KIF6: variants seen among roughly 807,000 people sequenced by gnomAD.
KIF6 encodes the protein kinesin family member 6.
Under a neutral mutation model 112.7 loss-of-function variants are expected in KIF6, and 106 were observed. The ratio of observed to expected loss-of-function variants is 0.94; its 90% confidence interval spans 0.80 to 1.11. The LOEUF is 1.11. KIF6 is among the 50% of genes least tolerant of loss of function. KIF6 has a pLI of 0.00. For missense variants in KIF6, 929 were observed against 964.0 expected (o/e 0.96, Z 0.48); for synonymous variants, 339 against 339.9 (o/e 1.00, Z 0.03).
intron 16 of KIF6, among the ~76,000 whole-genome samples, chr6:39,374,914 G>A (rs187036406): frequency 6.6e-6 from 1 of 152,302 alleles, no homozygotes; most frequent in East Asian, 1.9e-4. Flanking sequence ...AGAGATATCT[G>A]CATTTCCATG....
chr6:39,415,195 C>G (rs1248133174), intron 15 of KIF6, among the ~76,000 whole-genome samples: 1 of 147,658 alleles, frequency 6.8e-6, no homozygotes, highest in East Asian at 2.0e-4. Context: ...TCAAAACAAA[C>G]AAACAAAGAA....
In KIF6 at chr6:39,342,613, TTTTTTTTATTTTTTTTTA is replaced by T. The variant is rs1430657093; in HGVS notation, c.2428+1078_2428+1095del. Among the ~76,000 whole-genome samples the T allele has an allele frequency of 8.4e-5, 11 of 131,642 alleles. 1 individual carries two copies. The highest frequency in any genetic ancestry group is 2.0e-4 in the East Asian group (1 of 5,096). 86.4% of individuals were successfully genotyped at this position (131,642 alleles called of 152,430 possible). A position where few individuals can be genotyped will look rare whatever the true frequency, so the allele number is the denominator to read the frequency against. ...AATCCAGTTTTTTATTTTTTTTTAT[TTTTTTTTATTTTTTTTTA>T]TTTTTAGACAAGGAAACTGAGAATG... is the stretch of plus-strand genomic sequence containing the variant. On this transcript the variant is annotated intron_variant, in intron 22 of 22. Transcript: ENST00000287152. This position sits in a 1 kb window ranked among gnomAD's most constrained non-coding sequence, Gnocchi z 4.7.
chr6:39,375,303 G>A (rs1363959028), intron 16 of KIF6, among the ~76,000 whole-genome samples: 2 of 152,122 alleles, frequency 1.3e-5, no homozygotes, highest in Admixed American at 6.5e-5. Context: ...GTGAACACAA[G>A]GAGTAATAAT....
In KIF6 at chr6:39,540,233, C is replaced by A. The variant is rs1478772158; in HGVS notation, c.1427-12G>T. ...GTTGACCAGGATATCTGAAACTTGACTTAAGGATTTAATGCCTGATGCTAG... is the reference window on the plus strand; with the variant it reads ...GTTGACCAGGATATCTGAAACTTGAATTAAGGATTTAATGCCTGATGCTAG... On this transcript the variant is annotated splice_polypyrimidine_tract_variant and intron_variant, in intron 12 of 22. Transcript: ENST00000287152. The A allele has an allele frequency of 6.4e-7, 1 of 1,561,472 alleles. No homozygotes were observed. The highest frequency in any genetic ancestry group is 1.1e-5 in the South Asian group (1 of 87,148).
At chr6:39,631,682 T>C (rs1784358191) in intron 5 of KIF6, among the ~76,000 whole-genome samples, 1 of 152,132 alleles carries the variant, frequency 6.6e-6, no homozygotes, top group African/African-American at 2.4e-5. Flanking sequence ...TGAGCCTATG[T>C]TCATGAGAGA....
chr6:39,403,344 C>T (rs1210163620), intron 15 of KIF6, among the ~76,000 whole-genome samples: 2 of 152,252 alleles, frequency 1.3e-5, no homozygotes, highest in African/African-American at 4.8e-5. Flanking sequence ...CACCCTTCTC[C>T]CACCCCTGCC....
At chr6:39,629,679 T>C (rs967456567) in intron 5 of KIF6, among the ~76,000 whole-genome samples, 6 of 152,088 alleles carry the variant, frequency 3.9e-5, no homozygotes, top group Non-Finnish European at 5.9e-5. Flanking sequence ...AGAACAGAAG[T>C]TTTAATTTTA....
rs184050281 is a variant in KIF6, at chr6:39,378,644, G to A, written c.1861+6978C>T. On this transcript the variant is annotated intron_variant, in intron 16 of 22. Transcript: ENST00000287152. This position sits in a 1 kb window ranked among gnomAD's most constrained non-coding sequence, Gnocchi z 5.0. ...CAGGGCCACTCCTTCTGGTAAGAAC[G>A]GGAAGTTCTCATGGCCTGTCCCTCT... Among the ~76,000 whole-genome samples, 17 of 152,268 alleles carry A rather than the reference G, an allele frequency of 1.1e-4. No homozygotes were observed. The highest frequency in any genetic ancestry group is 3.9e-4 in the African/African-American group (16 of 41,552).
intron 5 of KIF6, among the ~76,000 whole-genome samples, chr6:39,622,921 C>T (rs1406052515): frequency 2.0e-5 from 3 of 152,182 alleles, no homozygotes; most frequent in Non-Finnish European, 4.4e-5. Context: ...GCAGCCCTCC[C>T]TGCCTATTTT....
At chr6:39,607,118 T>C (rs1782933086) in intron 6 of KIF6, among the ~76,000 whole-genome samples, 3 of 152,202 alleles carry the variant, frequency 2.0e-5, no homozygotes. Context: ...GTGACTTTCA[T>C]ATGCTATGTT....
At chr6:39,411,198 C>T (rs572608443) in intron 15 of KIF6, among the ~76,000 whole-genome samples, 9 of 152,268 alleles carry the variant, frequency 5.9e-5, no homozygotes, top group East Asian at 1.9e-4. Flanking sequence ...CAGGGCCAGC[C>T]GGTTACAAGA....
chr6:39,617,332 T>C (rs902312175), intron 5 of KIF6, among the ~76,000 whole-genome samples: 7 of 152,150 alleles, frequency 4.6e-5, no homozygotes, highest in African/African-American at 1.4e-4. Context: ...TAAAGAGCAA[T>C]AGGCAGGCTC....
intron 3 of KIF6, among the ~76,000 whole-genome samples, chr6:39,677,289 C>A (rs550373797): frequency 6.6e-6 from 1 of 151,904 alleles, no homozygotes; most frequent in Non-Finnish European, 1.5e-5. Flanking sequence ...CATAACACAA[C>A]CTCCAAATAT....
At chr6:39,353,070 A>G (rs1764380552) in intron 19 of KIF6, among the ~76,000 whole-genome samples, 1 of 152,214 alleles carries the variant, frequency 6.6e-6, no homozygotes, top group Admixed American at 6.5e-5. Flanking sequence ...AATTAGGTAA[A>G]TAACTAAAAT....
chr6:39,364,921 G>A (rs1453210264), intron 16 of KIF6, among the ~76,000 whole-genome samples: 1 of 152,186 alleles, frequency 6.6e-6, no homozygotes, highest in Non-Finnish European at 1.5e-5. Context: ...CAGCTCTGTC[G>A]TGGTTGGCCC....
At chr6:39,574,274 C>A (rs959575127) in intron 10 of KIF6, among the ~76,000 whole-genome samples, 1 of 152,060 alleles carries the variant, frequency 6.6e-6, no homozygotes, top group Admixed American at 6.5e-5. Flanking sequence ...GAAGATATAA[C>A]AAAATTTGCT....
intron 22 of KIF6, among the ~76,000 whole-genome samples, chr6:39,340,383 G>C (rs112223616): frequency 6.6e-6 from 1 of 152,182 alleles, no homozygotes; most frequent in Non-Finnish European, 1.5e-5. Flanking sequence ...TCCTGAGGCC[G>C]AGAGAACTCC....
intron 10 of KIF6, among the ~76,000 whole-genome samples, chr6:39,577,187 TGAAAGCTTTGACTATAACA>T (rs1781020709): frequency 6.6e-6 from 1 of 152,146 alleles, no homozygotes. Flanking sequence ...CCCGTAGGAG[TGAAAGCTTTGACTATAACA>T]GAAACCTTGC....
intron 13 of KIF6, among the ~76,000 whole-genome samples, chr6:39,461,578 A>G (rs1773479411): frequency 6.6e-6 from 1 of 152,198 alleles, no homozygotes; most frequent in Admixed American, 6.5e-5. Flanking sequence ...TCAAAAATAT[A>G]ATTTCAACAT....
Sources: allele counts gnomAD v4.1 joint callset (sites outside exome capture counted in the v4.1 genomes callset), GRCh38; gene constraint gnomAD v4.1.1; non-coding constraint Gnocchi (gnomAD v3.1); transcripts MANE v1.5; gene names NCBI Gene and HGNC (gene_info 2026-07-23, HGNC 2026-07-21).